TRIM24: variants seen among roughly 807,000 people sequenced by gnomAD.
TRIM24 encodes the protein tripartite motif containing 24, also known as transcription intermediary factor 1-alpha.
TRIM24 carries 29 observed loss-of-function variants against 123.9 expected under a neutral mutation model. That is an observed-to-expected ratio of 0.23 (90% CI 0.17 to 0.32). The LOEUF is 0.32. Among genes scored for constraint, TRIM24 ranks in the 10% least tolerant of loss-of-function variants. TRIM24 has a pLI of 1.00. For missense variants in TRIM24, 932 were observed against 1,295.3 expected (o/e 0.72, Z 4.31); for synonymous variants, 456 against 461.1 (o/e 0.99, Z 0.14).
At chr7:138,573,979 T>A (rs758178788) in intron 12 of TRIM24, among the ~76,000 whole-genome samples, 1 of 152,146 alleles carries the variant, frequency 6.6e-6, no homozygotes, top group African/African-American at 2.4e-5. Flanking sequence ...TATTTTTTGG[T>A]AGAGACAGTC....
chr7:138,585,014 A>G lies in TRIM24; in HGVS notation c.*63A>G. On this transcript the variant is annotated 3_prime_UTR_variant, in exon 19 of 19. Transcript: ENST00000343526. ...TTTTGTTTTCAAAAAAACATTTGTC[A>G]GTAATTTAACATCACTACAAAAAGA... 7.0e-7 allele frequency: 1 copy of G among 1,420,872 alleles called. No individual in the cohort carries two copies. Among genetic ancestry groups the G allele is most frequent in the South Asian group, 1.3e-5 (1 of 74,880 alleles). 88.0% of individuals were successfully genotyped at this position (1,420,872 alleles called of 1,614,324 possible).
At chr7:138,546,794 G>A (rs955803098) in intron 7 of TRIM24, among the ~76,000 whole-genome samples, 2 of 152,210 alleles carry the variant, frequency 1.3e-5, no homozygotes, top group African/African-American at 4.8e-5. Flanking sequence ...GGTAACAAGT[G>A]TTGGAGAGGA....
At chr7:138,473,629 A>G (rs981877679) in intron 1 of TRIM24, among the ~76,000 whole-genome samples, 21 of 152,224 alleles carry the variant, frequency 1.4e-4, no homozygotes, top group African/African-American at 5.1e-4. Flanking sequence ...TTTATCAGCT[A>G]TTACTGTGAT....
At chr7:138,524,391 A>G (rs979336642) in intron 4 of TRIM24, among the ~76,000 whole-genome samples, 1 of 152,124 alleles carries the variant, frequency 6.6e-6, no homozygotes, top group Non-Finnish European at 1.5e-5. Context: ...TACTAAGGTA[A>G]AAAAAACTTG....
At chr7:138,465,218 G>T (rs954839119) in intron 1 of TRIM24, among the ~76,000 whole-genome samples, 1 of 152,196 alleles carries the variant, frequency 6.6e-6, no homozygotes, top group Admixed American at 6.5e-5. Flanking sequence ...CAGGCTACAT[G>T]TTGGAAGGAA....
At chr7:138,515,658 A>G (rs1796379010) in intron 3 of TRIM24, among the ~76,000 whole-genome samples, 1 of 152,212 alleles carries the variant, frequency 6.6e-6, no homozygotes, top group African/African-American at 2.4e-5. Context: ...TTTTATCTCT[A>G]AGATAACAAC....
At chr7:138,584,525 CCTT>C (rs1797972475) in intron 18 of TRIM24, among the ~76,000 whole-genome samples, 1 of 152,326 alleles carries the variant, frequency 6.6e-6, no homozygotes, top group East Asian at 1.9e-4. Context: ...ACCATTACCA[CCTT>C]CTTTTAGAAT....
chr7:138,544,411 C>G (rs1013571411), intron 7 of TRIM24, among the ~76,000 whole-genome samples: 1 of 152,052 alleles, frequency 6.6e-6, no homozygotes, highest in Non-Finnish European at 1.5e-5. Flanking sequence ...ATTTATTTGT[C>G]CATGCATCAT....
At chr7:138,575,507 C>G (rs915156247) in intron 12 of TRIM24, among the ~76,000 whole-genome samples, 10 of 144,522 alleles carry the variant, frequency 6.9e-5, no homozygotes, top group African/African-American at 2.6e-4. Context: ...GTTGTCCAGG[C>G]CTTTTATTTT....
At chr7:138,525,464 G>A (rs540989608) in intron 5 of TRIM24, 107 bp downstream of exon 5, 4 of 496,822 alleles carry the variant, frequency 8.1e-6, no homozygotes, top group Admixed American at 3.8e-5. Flanking sequence ...TTAGATGACT[G>A]CAATAACACA....
rs141918172 is a variant in TRIM24 at position 138,560,554 on chromosome 7, G to T, written c.1530+5588G>T. 1.3e-4 allele frequency among the ~76,000 whole-genome samples: 20 copies of T among 152,298 alleles called. No individual in the cohort carries two copies. In the East Asian group the frequency reaches 3.7e-3, roughly 28 times the overall value. On this transcript the variant is annotated intron_variant, in intron 9 of 18. Transcript: ENST00000343526. ...GCCGAGTGGGCCCTTGCCGTGGGTT[G>T]TTCTGGGCACAAATTAGATATTGTT...
chr7:138,578,920 G>GTGTA (rs931246436), intron 14 of TRIM24, among the ~76,000 whole-genome samples: 2 of 146,360 alleles, frequency 1.4e-5, no homozygotes, highest in Non-Finnish European at 1.5e-5. Flanking sequence ...CTCCAGTGAG[G>GTGTA]TATATATATA....
At chr7:138,520,954 G>T (rs115162686) in intron 4 of TRIM24, among the ~76,000 whole-genome samples, 1,987 of 152,300 alleles carry the variant, frequency 0.013, 36 homozygotes, top group African/African-American at 0.045. Context: ...TAATGGCTGA[G>T]AACTTTCAGA....
intron 12 of TRIM24, among the ~76,000 whole-genome samples, chr7:138,574,445 G>A (rs1797716270): frequency 6.6e-6 from 1 of 152,176 alleles, no homozygotes; most frequent in Admixed American, 6.5e-5. Context: ...AAATATAGCA[G>A]AGAAACTGTT....
At chr7:138,464,615 T>C (rs1461181957) in intron 1 of TRIM24, among the ~76,000 whole-genome samples, 2 of 152,144 alleles carry the variant, frequency 1.3e-5, no homozygotes, top group Non-Finnish European at 2.9e-5. Flanking sequence ...TAGTATTAGA[T>C]ATTGTCAACT....
At chr7:138,528,753 T>C (rs1373424271) in intron 5 of TRIM24, among the ~76,000 whole-genome samples, 1 of 150,392 alleles carries the variant, frequency 6.6e-6, no homozygotes, top group Non-Finnish European at 1.5e-5. Context: ...AGAATCATCA[T>C]GGTTTATAAA....
At chr7:138,559,476 G>A (rs776510914) in intron 9 of TRIM24, among the ~76,000 whole-genome samples, 11 of 152,176 alleles carry the variant, frequency 7.2e-5, no homozygotes, top group Non-Finnish European at 1.2e-4. Context: ...TATAAGGAAA[G>A]CTATTGGACC....
In TRIM24 at chr7:138,460,405, C is replaced by G. The variant is rs1216051288; in HGVS notation, c.-144C>G. 1.1e-5 allele frequency: 10 copies of G among 901,112 alleles called. No individual in the cohort carries two copies. Among genetic ancestry groups the G allele is most frequent in the African/African-American group, 1.7e-5 (1 of 57,608 alleles). The allele number at this position is 901,112 out of a possible 1,614,324, so 55.8% of individuals were successfully genotyped here. A position where few individuals can be genotyped will look rare whatever the true frequency, so the allele number is the denominator to read the frequency against. On this transcript the variant is annotated 5_prime_UTR_variant, in exon 1 of 19. Coordinates refer to ENST00000343526, the MANE Select transcript of TRIM24 (RefSeq NM_015905.3). Reference sequence around the variant, plus strand: ...TGGGCCTGAGGAGGCTTCCCCCGCCCGGTTTGCTTTCCCTCCCTCGCTGGC... The same window carrying G: ...TGGGCCTGAGGAGGCTTCCCCCGCCGGGTTTGCTTTCCCTCCCTCGCTGGC...
chr7:138,504,654 G>T (rs978079251), intron 2 of TRIM24, among the ~76,000 whole-genome samples: 1 of 151,720 alleles, frequency 6.6e-6, no homozygotes, highest in African/African-American at 2.4e-5. Flanking sequence ...TAGAGACGGG[G>T]TTTCACCATG....
Sources: gnomAD v4.1 joint callset for allele counts (sites outside exome capture counted in the v4.1 genomes callset) on GRCh38, gnomAD v4.1.1 for gene constraint, MANE v1.5 for transcripts, NCBI Gene and HGNC (gene_info 2026-07-23, HGNC 2026-07-21) for gene names.